Variants in CDC42BPA observed in about 807,000 individuals in gnomAD.
CDC42BPA encodes the protein CDC42 binding protein kinase alpha.
A neutral mutation model predicts 223.5 loss-of-function variants in CDC42BPA; 80 were observed. The ratio of observed to expected loss-of-function variants is 0.36; its 90% CI spans 0.30 to 0.43. The LOEUF is 0.43. CDC42BPA is among the 20% of genes least tolerant of loss of function. The pLI, the probability that CDC42BPA is intolerant of heterozygous loss-of-function variation, is 1.00. For missense variants in CDC42BPA, 1,743 were observed against 2,099.9 expected, an observed-to-expected ratio of 0.83 and a Z score of 3.32; for synonymous variants, 694 against 718.6, an observed-to-expected ratio of 0.97 and a Z score of 0.55.
At chr1:227,012,627 G>C (rs1665439941) in intron 34 of CDC42BPA, among the ~76,000 whole-genome samples, 1 of 152,106 alleles carries the variant, frequency 6.6e-6, no homozygotes, top group South Asian at 2.1e-4. Context: ...ATATAAAAAT[G>C]TCTGGGACAC....
At position 227,317,781 on chromosome 1, in the gene CDC42BPA, G is replaced by A. The variant is rs1284074962; in HGVS notation, c.-599C>T. On this transcript the variant is annotated 5_prime_UTR_variant, in exon 1 of 37. Coordinates refer to ENST00000366766, the MANE Select transcript of CDC42BPA (RefSeq NM_001394014.1). ...TCCAGCGGGAAAGGGAGGGGGCGAG[G>A]TCCCTGAAGCAGCCCCTCGGCTCGG... The A allele has an allele frequency of 5.0e-6, 2 of 398,540 alleles. No individual in the cohort carries two copies. The highest frequency in any genetic ancestry group is 2.1e-5 in the African/African-American group (1 of 48,642). The allele number at this position is 398,540 out of a possible 1,614,324, so 24.7% of individuals were successfully genotyped here. A position where few individuals can be genotyped will look rare whatever the true frequency, so the allele number is the denominator to read the frequency against.
At chr1:227,277,489 A>G (rs4653814) in intron 1 of CDC42BPA, among the ~76,000 whole-genome samples, 46,807 of 152,066 alleles carry the variant, frequency 0.31, 7,378 homozygotes, top group East Asian at 0.37. Flanking sequence ...AACATAATCC[A>G]AAAAATATCC....
chr1:227,099,394 A>C (rs1211307059), intron 15 of CDC42BPA, among the ~76,000 whole-genome samples: 1 of 151,974 alleles, frequency 6.6e-6, no homozygotes, highest in Non-Finnish European at 1.5e-5. Context: ...AGCAACTTCC[A>C]GTCCTGTAAG....
At position 226,994,798 on chromosome 1, in the gene CDC42BPA, C is replaced by T. The variant is rs746491334; in HGVS notation, c.5133+25G>A. On this transcript the variant is annotated intron_variant, in intron 36 of 36. Coordinates refer to ENST00000366766, the MANE Select transcript of CDC42BPA (RefSeq NM_001394014.1). This position sits in a 1 kb window ranked among gnomAD's most constrained non-coding sequence, Gnocchi z 4.0. ...ATGCCCTAGTCTTTCTGATACATGA[C>T]GTCTCCGGAACCCTGCCCACTCACC... 19 of 1,582,806 alleles carry T rather than the reference C, an allele frequency of 1.2e-5. No homozygotes were observed. The highest frequency in any genetic ancestry group is 1.5e-5 in the Non-Finnish European group (17 of 1,163,066).
chr1:227,168,497 G>GTTTTT (rs1292387936), intron 5 of CDC42BPA, among the ~76,000 whole-genome samples: 17 of 80,210 alleles, frequency 2.1e-4, no homozygotes, highest in African/African-American at 3.5e-4. Context: ...CTTCCCTGGT[G>GTTTTT]TTTTTTTTTT....
intron 21 of CDC42BPA, among the ~76,000 whole-genome samples, chr1:227,063,806 T>A (rs1169712198): frequency 6.6e-6 from 1 of 152,154 alleles, no homozygotes. Context: ...TTCCCCCAAG[T>A]ATCGCTGAAA....
intron 4 of CDC42BPA, 59 bp from the exon 5 acceptor site, chr1:227,193,993 AC>A: frequency 8.1e-7 from 1 of 1,230,620 alleles, no homozygotes; most frequent in Non-Finnish European, 1.1e-6. Flanking sequence ...AAATCAATAT[AC>A]TGTATCCCAA....
chr1:227,026,023 T>A, intron 31 of CDC42BPA, 32 bp downstream of exon 31: 2 of 1,195,368 alleles, frequency 1.7e-6, no homozygotes, highest in Non-Finnish European at 1.2e-6. Context: ...TTATACTCAG[T>A]TGGCTTAGCC....
intron 3 of CDC42BPA, among the ~76,000 whole-genome samples, chr1:227,208,467 T>C (rs1303856638): frequency 6.9e-6 from 1 of 144,716 alleles, no homozygotes; most frequent in East Asian, 2.0e-4. Context: ...TAGGTTTTCT[T>C]CTAGGGTTTT....
At chr1:227,104,550 G>C (rs1348973975) in intron 14 of CDC42BPA, among the ~76,000 whole-genome samples, 1 of 152,150 alleles carries the variant, frequency 6.6e-6, no homozygotes, top group Non-Finnish European at 1.5e-5. Flanking sequence ...ACACTATTAA[G>C]TGAAAAATGT....
At chr1:227,052,527 C>T (rs940324861) in intron 21 of CDC42BPA, among the ~76,000 whole-genome samples, 5 of 152,164 alleles carry the variant, frequency 3.3e-5, no homozygotes, top group African/African-American at 1.2e-4. Context: ...CATCCTTTTA[C>T]ACCAAGTATT....
chr1:227,251,392 A>G (rs748166044), intron 2 of CDC42BPA, among the ~76,000 whole-genome samples: 1 of 152,168 alleles, frequency 6.6e-6, no homozygotes, highest in African/African-American at 2.4e-5. Context: ...GAAATGAGAG[A>G]AAAACAACAC....
chr1:227,290,005 C>G (rs1465642270), intron 1 of CDC42BPA, among the ~76,000 whole-genome samples: 2 of 151,978 alleles, frequency 1.3e-5, no homozygotes, highest in Non-Finnish European at 2.9e-5. Context: ...ACACTACACT[C>G]TAGCTTGGGT....
At chr1:227,045,611 A>C (rs1672287566) in intron 23 of CDC42BPA, among the ~76,000 whole-genome samples, 1 of 151,920 alleles carries the variant, frequency 6.6e-6, no homozygotes, top group Non-Finnish European at 1.5e-5. Flanking sequence ...TGGATTTCTC[A>C]TATTTTCTTT....
At chr1:227,159,517 T>C (rs1253869303) in intron 6 of CDC42BPA, among the ~76,000 whole-genome samples, 1 of 152,048 alleles carries the variant, frequency 6.6e-6, no homozygotes, top group Admixed American at 6.6e-5. Context: ...AAGTTAAAAT[T>C]ACTGGTCTAG....
chr1:227,142,880 A>G, intron 9 of CDC42BPA, 65 bp downstream of exon 9: 1 of 1,086,148 alleles, frequency 9.2e-7, no homozygotes. Context: ...GGCCTCCCAA[A>G]GTGTTGGGAT....
intron 34 of CDC42BPA, among the ~76,000 whole-genome samples, chr1:227,009,779 T>A: frequency 6.6e-6 from 1 of 152,112 alleles, no homozygotes; most frequent in East Asian, 1.9e-4. Context: ...CTAAGCAAAC[T>A]CAGGCTTATT....
At chr1:227,197,281 G>T (rs6426589) in intron 4 of CDC42BPA, among the ~76,000 whole-genome samples, 128,022 of 151,986 alleles carry the variant, frequency 0.84, 54,200 homozygotes, top group Middle Eastern at 0.91. Context: ...AATGATTTTT[G>T]CTAATATTGT....
In CDC42BPA at chr1:227,264,386, C is replaced by T. The variant is rs565290659; in HGVS notation, c.179-10231G>A. Among the ~76,000 whole-genome samples the T allele has an allele frequency of 8.4e-5, 12 of 143,410 alleles. 1 individual carries two copies. Among genetic ancestry groups the T allele is most frequent in the Admixed American group, 1.4e-4 (2 of 14,774 alleles). The allele number at this position is 143,410 out of a possible 152,430, so 94.1% of individuals were successfully genotyped here. A position where few individuals can be genotyped will look rare whatever the true frequency, so the allele number is the denominator to read the frequency against. ...TTTATTGTCCATGTCCCTCAGGCAA[C>T]AGACACAAGGGATTACTGAAAAGAA... On this transcript the variant is annotated intron_variant, in intron 1 of 36. Coordinates refer to ENST00000366766, the MANE Select transcript of CDC42BPA (RefSeq NM_001394014.1).
Sources: gnomAD v4.1 joint callset for allele counts (sites outside exome capture counted in the v4.1 genomes callset) on GRCh38, gnomAD v4.1.1 for gene constraint, Gnocchi (gnomAD v3.1) non-coding constraint, MANE v1.5 for transcripts, NCBI Gene and HGNC (gene_info 2026-07-23, HGNC 2026-07-21) for gene names.